COL4A6: variants seen among roughly 807,000 people sequenced by gnomAD.
COL4A6 encodes the protein collagen alpha-6(IV) chain.
COL4A6 carries 59 observed loss-of-function variants against 126.7 expected under a neutral mutation model. The observed-to-expected ratio is 0.47, with a 90% CI of 0.38 to 0.58. The LOEUF is 0.58. Among genes scored for constraint, COL4A6 ranks in the 20% least tolerant of loss-of-function variants. The pLI, the probability that COL4A6 is intolerant of heterozygous loss-of-function variation, is 0.00. For missense variants in COL4A6, 1,285 were observed against 1,337.3 expected (o/e 0.96, Z 0.61); for synonymous variants, 547 against 496.6 (o/e 1.10, Z -1.35).
intron 17 of COL4A6, among the ~76,000 whole-genome samples, chrX:108,193,200 T>C (rs2035104215): frequency 8.9e-6 from 1 of 112,111 alleles, no homozygotes; most frequent in Non-Finnish European, 1.9e-5. Context: ...TCTCAGCCAC[T>C]TGCTCCCCTA....
At chrX:108,331,873 G>T (rs1483505421) in intron 2 of COL4A6, among the ~76,000 whole-genome samples, 1 of 111,105 alleles carries the variant, frequency 9.0e-6, no homozygotes, top group Non-Finnish European at 1.9e-5. Flanking sequence ...TATAGATTTA[G>T]GGGGTACAAG....
intron 2 of COL4A6, among the ~76,000 whole-genome samples, chrX:108,346,588 T>C (rs1421847414): frequency 8.9e-6 from 1 of 112,081 alleles, no homozygotes; most frequent in Non-Finnish European, 1.9e-5. Flanking sequence ...TTAACATCAA[T>C]AGGTTCTTGG....
chrX:108,385,586 C>G (rs1351459876), intron 2 of COL4A6, among the ~76,000 whole-genome samples: 1 of 111,624 alleles, frequency 9.0e-6, no homozygotes, highest in South Asian at 3.8e-4. Context: ...TTCCTCCTTT[C>G]AAAACTTACT....
chrX:108,407,356 C>T (rs2041227683), intron 2 of COL4A6, among the ~76,000 whole-genome samples: 2 of 111,728 alleles, frequency 1.8e-5, no homozygotes, highest in African/African-American at 6.5e-5. Flanking sequence ...ACTCTTGATT[C>T]AGGGGATAAT....
intron 23 of COL4A6, among the ~76,000 whole-genome samples, chrX:108,182,820 C>T (rs750483275): frequency 8.9e-6 from 1 of 112,328 alleles, no homozygotes; most frequent in South Asian, 3.7e-4. Context: ...TAAAAATATC[C>T]CTGGGCTGGG....
At chrX:108,419,595 T>C (rs113815297) in intron 2 of COL4A6, among the ~76,000 whole-genome samples, 132 of 112,169 alleles carry the variant, frequency 1.2e-3, no homozygotes, top group African/African-American at 3.9e-3. Context: ...GGACGTGGCA[T>C]AATAAATATA....
intron 37 of COL4A6, 104 bp downstream of exon 37, chrX:108,169,391 C>G (rs975626894): frequency 2.9e-6 from 3 of 1,020,038 alleles, no homozygotes; most frequent in African/African-American, 3.8e-5. Flanking sequence ...GATGTGAAGA[C>G]ACTCACAGCC....
intron 12 of COL4A6, among the ~76,000 whole-genome samples, chrX:108,203,650 C>T (rs2035455788): frequency 8.9e-6 from 1 of 112,597 alleles, no homozygotes; most frequent in African/African-American, 3.2e-5. Context: ...TTAAAGGAAC[C>T]CTGGCAGGAA....
At chrX:108,354,828 C>T (rs2039924447) in intron 2 of COL4A6, among the ~76,000 whole-genome samples, 1 of 110,789 alleles carries the variant, frequency 9.0e-6, no homozygotes, top group African/African-American at 3.3e-5. Context: ...ACAATGGTCT[C>T]TTTGAGAAGT....
intron 2 of COL4A6, among the ~76,000 whole-genome samples, chrX:108,360,119 A>T (rs746176684): frequency 1.8e-5 from 2 of 112,199 alleles, no homozygotes; most frequent in South Asian, 3.7e-4. Flanking sequence ...AACTCCAGGG[A>T]TCTATCCAGT....
intron 2 of COL4A6, among the ~76,000 whole-genome samples, chrX:108,312,906 G>C (rs2038794041): frequency 9.1e-6 from 1 of 110,480 alleles, no homozygotes; most frequent in Admixed American, 9.7e-5. Flanking sequence ...GAGGCTGGAA[G>C]CAAGGGAACT....
At chrX:108,408,651 C>T (rs1359158280) in intron 2 of COL4A6, among the ~76,000 whole-genome samples, 1 of 111,756 alleles carries the variant, frequency 8.9e-6, no homozygotes, top group African/African-American at 3.3e-5. Flanking sequence ...GCATATGAAC[C>T]TATGAAAAAA....
chrX:108,159,675 G>A lies in COL4A6; in HGVS notation c.4599C>T (p.His1533=), dbSNP rs748460875. The change falls in exon 44 of 45, where the codon CAC becomes CAT. Residue 1533 remains histidine (H), a synonymous_variant. Coordinates refer to ENST00000334504, the MANE Select transcript of COL4A6 (RefSeq NM_033641.4). ...FIYCNINEVC[H]YARRNDKSYW... is the part of the protein sequence containing the mutation. ...AAGATTTATCATTGCGCCTGGCATA[G>A]TGGCACACCTCGTTGATGTTGCAGT... is the stretch of plus-strand genomic sequence containing the variant. The A allele has an allele frequency of 3.5e-5, 42 of 1,210,608 alleles. No homozygotes were observed. The highest frequency in any genetic ancestry group is 4.1e-5 in the Non-Finnish European group (37 of 895,351).
At chrX:108,319,238 C>T (rs1603081556) in intron 2 of COL4A6, among the ~76,000 whole-genome samples, 1 of 112,143 alleles carries the variant, frequency 8.9e-6, no homozygotes, top group East Asian at 2.8e-4. Flanking sequence ...GGTGTGATGG[C>T]ATGTGCCTGT....
intron 22 of COL4A6, 137 bp downstream of exon 22, chrX:108,187,711 A>G (rs1320397814): frequency 1.8e-6 from 1 of 545,525 alleles, no homozygotes; most frequent in African/African-American, 2.3e-5. Context: ...AAAAGCAAAA[A>G]GTTTCAGTGG....
chrX:108,324,692 G>T (rs1448117987), intron 2 of COL4A6, among the ~76,000 whole-genome samples: 3 of 112,052 alleles, frequency 2.7e-5, no homozygotes, highest in African/African-American at 9.7e-5. Context: ...AACAAATTCT[G>T]TTATTTGTTA....
intron 13 of COL4A6, 28 bp from the exon 14 acceptor site, chrX:108,196,607 T>C: frequency 4.4e-6 from 5 of 1,135,838 alleles, no homozygotes; most frequent in Non-Finnish European, 5.9e-6. Context: ...CCACAAGTTA[T>C]AACGTTTGTT....
Position 108,195,050 on chromosome X carries a change from C to A in COL4A6, c.948+32G>T, listed in dbSNP as rs376052899. The A allele has an allele frequency of 3.9e-5, 45 of 1,151,822 alleles. No individual in the cohort carries two copies. The African/African-American group carries it at 5.7e-4, about 15-fold the overall frequency. The allele number at this position is 1,151,822 out of a possible 1,213,427, so 94.9% of individuals were successfully genotyped here. A position where few individuals can be genotyped will look rare whatever the true frequency, so the allele number is the denominator to read the frequency against. The stretch of plus-strand genomic sequence containing the variant: ...GGGGACTTTTGATTGGGATTTTATA[C>A]CCCAAGGCTTTAATGATATTAACCA... On this transcript the variant is annotated intron_variant, in intron 15 of 44. Transcript: ENST00000334504.
intron 2 of COL4A6, among the ~76,000 whole-genome samples, chrX:108,403,281 T>TCTCTCTCTCA (rs2041134068): frequency 1.1e-5 from 1 of 88,346 alleles, no homozygotes; most frequent in Non-Finnish European, 2.3e-5. Flanking sequence ...TCTCTCTCTC[T>TCTCTCTCTCA]CATCTTGTTT....
Sources: allele counts gnomAD v4.1 joint callset (sites outside exome capture counted in the v4.1 genomes callset), GRCh38; gene constraint gnomAD v4.1.1; transcripts MANE v1.5; gene names NCBI Gene and HGNC (gene_info 2026-07-23, HGNC 2026-07-21).